The following CSMD3 variants were observed in gnomAD, a reference collection of about 807,000 sequenced individuals.
The protein encoded by CSMD3 is CUB and sushi domain-containing protein 3.
Under a neutral mutation model 435.2 loss-of-function variants are expected in CSMD3, and 177 were observed. That is an observed-to-expected ratio of 0.41 (90% CI 0.36 to 0.46). CSMD3 has a LOEUF of 0.46. CSMD3 is among the 20% of genes least tolerant of loss of function. The probability of loss-of-function intolerance (pLI) is 0.34; values close to 1 mark genes in which losing one functional copy is unlikely to be tolerated. For synonymous variants in CSMD3, 1,656 were observed against 1,520.5 expected (o/e 1.09, Z -2.07); for missense variants, 4,265 against 4,504.6 (o/e 0.95, Z 1.52).
At chr8:112,553,609 C>G (rs541471853) in intron 25 of CSMD3, among the ~76,000 whole-genome samples, 5 of 152,168 alleles carry the variant, frequency 3.3e-5, no homozygotes, top group African/African-American at 1.2e-4. Context: ...CCCCTTATGG[C>G]TTTCCCAGCT....
intron 10 of CSMD3, among the ~76,000 whole-genome samples, chr8:112,893,530 GTAAC>G (rs2130354091): frequency 6.6e-6 from 1 of 151,616 alleles, no homozygotes; most frequent in Non-Finnish European, 1.5e-5. Context: ...CTTAGATAAA[GTAAC>G]TAACTTCCTC....
intron 4 of CSMD3, among the ~76,000 whole-genome samples, chr8:113,162,314 G>A (rs989232023): frequency 2.6e-5 from 4 of 151,734 alleles, no homozygotes; most frequent in Non-Finnish European, 5.9e-5. Flanking sequence ...GGTAGCTCAC[G>A]CCTGTAATCC....
Position 112,346,355 on chromosome 8 carries a change from A to T in CSMD3, c.6326-142T>A, listed in dbSNP as rs913060129. 5 of 682,440 alleles carry T rather than the reference A, an allele frequency of 7.3e-6. No homozygotes were observed. In the African/African-American group the frequency reaches 8.9e-5, roughly 12 times the overall value. 42.3% of individuals were successfully genotyped at this position (682,440 alleles called of 1,614,324 possible). ...TGAATATTGTCTGTTCACTCACTAT[A>T]CACTAGGAATTAAATATAATCAACA... On this transcript the variant is annotated intron_variant, in intron 40 of 70. Transcript: ENST00000297405.
At chr8:113,106,990 C>T (rs1257188527) in intron 4 of CSMD3, among the ~76,000 whole-genome samples, 2 of 152,082 alleles carry the variant, frequency 1.3e-5, no homozygotes, top group Non-Finnish European at 2.9e-5. Flanking sequence ...TTCATCACCC[C>T]AAAATGAAAT....
At chr8:112,695,095 T>C (rs545560224) in intron 13 of CSMD3, among the ~76,000 whole-genome samples, 1 of 152,252 alleles carries the variant, frequency 6.6e-6, no homozygotes, top group East Asian at 1.9e-4. Context: ...ACTTCCACTC[T>C]AATACTGAGC....
At chr8:112,923,768 G>T (rs2082820443) in intron 9 of CSMD3, among the ~76,000 whole-genome samples, 1 of 151,972 alleles carries the variant, frequency 6.6e-6, no homozygotes, top group Non-Finnish European at 1.5e-5. Context: ...CAAAAGTATT[G>T]TAAGTTTATG....
intron 1 of CSMD3, among the ~76,000 whole-genome samples, chr8:113,345,664 T>G (rs901337048): frequency 6.6e-6 from 1 of 152,120 alleles, no homozygotes; most frequent in African/African-American, 2.4e-5. Context: ...GGAAGACAAA[T>G]ACCTAGTCTT....
intron 2 of CSMD3, among the ~76,000 whole-genome samples, chr8:113,308,709 A>G (rs974469569): frequency 6.6e-6 from 1 of 152,176 alleles, no homozygotes; most frequent in African/African-American, 2.4e-5. Context: ...GTGATAGCTT[A>G]TACTTCCTTT....
intron 1 of CSMD3, among the ~76,000 whole-genome samples, chr8:113,409,889 A>G (rs1336642472): frequency 6.6e-6 from 1 of 152,104 alleles, no homozygotes; most frequent in Non-Finnish European, 1.5e-5. Flanking sequence ...TTTGTAGAAA[A>G]AAAAAAAAAG....
At chr8:112,347,377 A>T (rs922828703) in intron 40 of CSMD3, among the ~76,000 whole-genome samples, 1 of 152,188 alleles carries the variant, frequency 6.6e-6, no homozygotes, top group East Asian at 1.9e-4. Flanking sequence ...ACCTATACAG[A>T]ATACTTATTT....
rs570121042 is a variant in CSMD3, at chr8:113,177,217, A to G, written c.515-3301T>C. On this transcript the variant is annotated intron_variant, in intron 3 of 70. Transcript: ENST00000297405. ...TAATTATACCTAAAAGCAGAGTTGC[A>G]AAATATAAAATAATTATTAAATGTA... Among the ~76,000 whole-genome samples, 781 of 151,306 alleles carry G rather than the reference A, an allele frequency of 5.2e-3. 5 individuals are homozygous for G. The highest frequency in any genetic ancestry group is 8.0e-3 in the Non-Finnish European group (543 of 67,802).
chr8:112,420,063 A>C (rs752582633), intron 32 of CSMD3, among the ~76,000 whole-genome samples: 5 of 152,152 alleles, frequency 3.3e-5, no homozygotes, highest in Non-Finnish European at 7.3e-5. Flanking sequence ...TTTGTAGAAC[A>C]TGTCTGCCAA....
Position 112,715,309 on chromosome 8 carries a change from A to T in CSMD3, c.1973-25259T>A, listed in dbSNP as rs185889272. On this transcript the variant is annotated intron_variant, in intron 13 of 70. Transcript: ENST00000297405. ...TACTATAAACACCTCTGTGCAAATA[A>T]ACTAGAAAATCTAAAAGATATTGAT... Among the ~76,000 whole-genome samples, 177 of 152,282 alleles carry T rather than the reference A, an allele frequency of 1.2e-3. 2 individuals carry two copies. Among genetic ancestry groups the T allele is most frequent in the African/African-American group, 4.0e-3 (166 of 41,560 alleles).
At chr8:112,845,668 T>A (rs1198311675) in intron 11 of CSMD3, among the ~76,000 whole-genome samples, 2 of 151,990 alleles carry the variant, frequency 1.3e-5, no homozygotes, top group African/African-American at 4.8e-5. Context: ...GAATAAAACA[T>A]CACACTGAAT....
chr8:112,458,836 C>T (rs1260586838), intron 32 of CSMD3, among the ~76,000 whole-genome samples: 1 of 152,092 alleles, frequency 6.6e-6, no homozygotes, highest in Non-Finnish European at 1.5e-5. Context: ...GTCTAGACAT[C>T]AGGAAGGGCT....
At chr8:113,339,597 A>G (rs1588550957) in intron 1 of CSMD3, among the ~76,000 whole-genome samples, 1 of 152,098 alleles carries the variant, frequency 6.6e-6, no homozygotes, top group East Asian at 1.9e-4. Context: ...TAAATAATGT[A>G]TATTCTTCTT....
chr8:113,278,703 A>G lies in CSMD3; in HGVS notation c.403T>C (p.Leu135=). ...HPHPTNFRTR[L]TGFHLPPPVT... ...GGAGGTGGCAGATGGAATCCTGTTA[A>G]CCTAAAACAAAATGGAATTAATTGT... Residue 135 remains leucine (L), a splice_region_variant and synonymous_variant, in exon 3 of 71, where the codon TTA becomes CTA. Transcript: ENST00000297405. 1 of 1,421,414 alleles carries G rather than the reference A, an allele frequency of 7.0e-7. No homozygotes were observed. Among genetic ancestry groups the G allele is most frequent in the South Asian group, 1.1e-5 (1 of 87,174 alleles). The allele number at this position is 1,421,414 out of a possible 1,614,324, so 88.1% of individuals were successfully genotyped here. A position where few individuals can be genotyped will look rare whatever the true frequency, so the allele number is the denominator to read the frequency against.
chr8:113,248,233 T>C (rs989147715), intron 3 of CSMD3, among the ~76,000 whole-genome samples: 1 of 151,708 alleles, frequency 6.6e-6, no homozygotes, highest in African/African-American at 2.4e-5. Flanking sequence ...AATACAATGG[T>C]TAAAAATAGA....
chr8:113,250,663 A>G (rs1015327109), intron 3 of CSMD3, among the ~76,000 whole-genome samples: 1 of 152,138 alleles, frequency 6.6e-6, no homozygotes, highest in African/African-American at 2.4e-5. Context: ...TGGATTAAAT[A>G]TGGTCAAAAT....
Sources: gnomAD v4.1 joint callset for allele counts (sites outside exome capture counted in the v4.1 genomes callset) on GRCh38, gnomAD v4.1.1 for gene constraint, MANE v1.5 for transcripts, NCBI Gene and HGNC (gene_info 2026-07-23, HGNC 2026-07-21) for gene names.